The following SUPT3H variants were observed in gnomAD, a reference collection of about 807,000 sequenced individuals.
The protein encoded by SUPT3H is transcription initiation protein SPT3 homolog.
A neutral mutation model predicts 44.3 loss-of-function variants in SUPT3H; 44 were observed. The observed-to-expected ratio is 0.99, with a 90% CI of 0.78 to 1.28. The LOEUF (loss-of-function observed/expected upper bound fraction) is 1.28. Ranked by LOEUF, SUPT3H falls within the 50% of genes most tolerant of loss-of-function variation. SUPT3H has a pLI of 0.00. For synonymous variants in SUPT3H, 124 were observed against 125.6 expected (o/e 0.99, Z 0.09); for missense variants, 380 against 387.1 (o/e 0.98, Z 0.15).
At chr6:45,166,830 T>C (rs1021528289) in intron 2 of SUPT3H, among the ~76,000 whole-genome samples, 1 of 152,118 alleles carries the variant, frequency 6.6e-6, no homozygotes, top group Admixed American at 6.5e-5. Context: ...TTACACACCA[T>C]TACATACCCA....
At chr6:44,844,539 G>A (rs1204692802) in intron 10 of SUPT3H, among the ~76,000 whole-genome samples, 1 of 151,924 alleles carries the variant, frequency 6.6e-6, no homozygotes, top group African/African-American at 2.4e-5. Flanking sequence ...CCATAGAAGG[G>A]AACACTCTTC....
At chr6:45,072,395 T>C (rs969617866) in intron 3 of SUPT3H, among the ~76,000 whole-genome samples, 1 of 152,186 alleles carries the variant, frequency 6.6e-6, no homozygotes, top group Non-Finnish European at 1.5e-5. Context: ...TAAACTGTTA[T>C]CAGTCTACAA....
At chr6:44,884,871 G>A (rs1044225583) in intron 10 of SUPT3H, among the ~76,000 whole-genome samples, 1 of 152,114 alleles carries the variant, frequency 6.6e-6, no homozygotes, top group African/African-American at 2.4e-5. Flanking sequence ...TCAAAGAAAG[G>A]GGTGACAGAC....
At position 44,854,686 on chromosome 6, in the gene SUPT3H, C is replaced by T. The variant is rs115370524; in HGVS notation, c.913-24829G>A. On this transcript the variant is annotated intron_variant, in intron 10 of 10. Transcript: ENST00000371459. ...AGTACGCCCTTATGAACCATCTCTG[C>T]TTATGACCACAAACACATTAAAGTA... is the stretch of plus-strand genomic sequence containing the variant. Among the ~76,000 whole-genome samples the T allele has an allele frequency of 6.5e-3, 991 of 152,252 alleles. 12 individuals carry two copies. Among genetic ancestry groups the T allele is most frequent in the African/African-American group, 0.023 (937 of 41,542 alleles).
chr6:44,999,750 T>C (rs1443007507), intron 6 of SUPT3H, among the ~76,000 whole-genome samples: 1 of 152,100 alleles, frequency 6.6e-6, no homozygotes, highest in Non-Finnish European at 1.5e-5. Context: ...TCTCTCCACA[T>C]ACTAGAAGCT....
chr6:45,294,694 G>A (rs867087155), intron 2 of SUPT3H, among the ~76,000 whole-genome samples: 1 of 108,798 alleles, frequency 9.2e-6, no homozygotes, highest in Non-Finnish European at 1.7e-5. Flanking sequence ...TGACCAGGTT[G>A]AGAATCAAAT....
intron 10 of SUPT3H, among the ~76,000 whole-genome samples, chr6:44,908,140 C>CA (rs1562020624): frequency 6.7e-6 from 1 of 149,816 alleles, no homozygotes; most frequent in Non-Finnish European, 1.5e-5. Flanking sequence ...TTAGAAATAA[C>CA]TTTTTTTTCT....
chr6:45,213,861 T>C (rs1036631073), intron 2 of SUPT3H, among the ~76,000 whole-genome samples: 7 of 152,002 alleles, frequency 4.6e-5, no homozygotes, highest in African/African-American at 9.7e-5. Flanking sequence ...ATAAAAATTC[T>C]CGTCTGGGAA....
intron 6 of SUPT3H, among the ~76,000 whole-genome samples, chr6:44,969,331 T>A (rs1338926132): frequency 6.6e-6 from 1 of 152,232 alleles, no homozygotes; most frequent in East Asian, 1.9e-4. Flanking sequence ...AGCATATACA[T>A]TATACTTTTG....
chr6:44,855,712 G>A (rs10484625), intron 10 of SUPT3H, among the ~76,000 whole-genome samples: 31,122 of 151,516 alleles, frequency 0.21, 3,888 homozygotes, highest in Non-Finnish European at 0.29. Context: ...TTTCTGTTTC[G>A]GTTCTAGGAC....
chr6:45,263,359 T>C (rs751481898), intron 2 of SUPT3H, among the ~76,000 whole-genome samples: 24 of 152,292 alleles, frequency 1.6e-4, no homozygotes, highest in Non-Finnish European at 3.1e-4. Flanking sequence ...AAGGCCATTG[T>C]TCTAAGCAAA....
intron 2 of SUPT3H, among the ~76,000 whole-genome samples, chr6:45,305,185 C>T (rs1054495177): frequency 6.6e-6 from 1 of 152,178 alleles, no homozygotes; most frequent in Non-Finnish European, 1.5e-5. Flanking sequence ...CGAAAAACAT[C>T]GGCTTTTAGC....
intron 6 of SUPT3H, among the ~76,000 whole-genome samples, chr6:44,972,983 CCT>C (rs1246212526): frequency 2.6e-5 from 4 of 152,254 alleles, no homozygotes; most frequent in Non-Finnish European, 4.4e-5. Flanking sequence ...GACATTTTCC[CCT>C]GTTTTGGCAA....
intron 3 of SUPT3H, among the ~76,000 whole-genome samples, chr6:45,041,060 C>T (rs1188193081): frequency 6.6e-6 from 1 of 152,172 alleles, no homozygotes; most frequent in African/African-American, 2.4e-5. Flanking sequence ...CTTAACCATA[C>T]TTACTGAGTG....
intron 3 of SUPT3H, among the ~76,000 whole-genome samples, chr6:45,091,724 T>C (rs1223278346): frequency 6.6e-6 from 1 of 152,086 alleles, no homozygotes; most frequent in African/African-American, 2.4e-5. Flanking sequence ...ACACAGAAAG[T>C]TTTAAAAATA....
intron 6 of SUPT3H, among the ~76,000 whole-genome samples, chr6:44,979,810 G>C (rs537109354): frequency 6.6e-6 from 1 of 152,220 alleles, no homozygotes; most frequent in Non-Finnish European, 1.5e-5. Flanking sequence ...TCAAGCATCA[G>C]GTAAAACAGA....
chr6:45,211,863 A>G (rs185758252), intron 2 of SUPT3H, among the ~76,000 whole-genome samples: 59 of 151,574 alleles, frequency 3.9e-4, no homozygotes, highest in Admixed American at 1.3e-3. Flanking sequence ...AAAAAAAAAA[A>G]AGAGAGAGAG....
At chr6:45,006,845 G>A (rs971451957) in intron 5 of SUPT3H, among the ~76,000 whole-genome samples, 3 of 152,082 alleles carry the variant, frequency 2.0e-5, no homozygotes, top group Non-Finnish European at 4.4e-5. Context: ...TATATTGCAT[G>A]TTCTCACATA....
intron 2 of SUPT3H, among the ~76,000 whole-genome samples, chr6:45,111,840 C>T (rs1562481898): frequency 6.6e-6 from 1 of 152,064 alleles, no homozygotes; most frequent in East Asian, 1.9e-4. Flanking sequence ...ACTAAATGAC[C>T]AGCCAGAGAT....
Sources: allele counts gnomAD v4.1 joint callset (sites outside exome capture counted in the v4.1 genomes callset), GRCh38; gene constraint gnomAD v4.1.1; transcripts MANE v1.5; gene names NCBI Gene and HGNC (gene_info 2026-07-23, HGNC 2026-07-21).